BBS9: variants seen among roughly 807,000 people sequenced by gnomAD.
BBS9 encodes protein PTHB1.
BBS9 carries 89 observed loss-of-function variants against 117.7 expected under a neutral mutation model. That is an observed-to-expected ratio of 0.76 (90% CI 0.64 to 0.90). The LOEUF (loss-of-function observed/expected upper bound fraction) is 0.90, where lower values mean the gene tolerates loss of function less well. Among genes scored for constraint, BBS9 ranks in the 40% least tolerant of loss-of-function variants. The pLI is 0.00. For missense variants in BBS9, 982 were observed against 1,042.2 expected, an observed-to-expected ratio of 0.94 and a Z score of 0.80; for synonymous variants, 379 against 370.9, an observed-to-expected ratio of 1.02 and a Z score of -0.25.
chr7:33,557,014 T>G (rs1855394467), intron 21 of BBS9, among the ~76,000 whole-genome samples: 1 of 152,218 alleles, frequency 6.6e-6, no homozygotes, highest in Admixed American at 6.5e-5. Flanking sequence ...AAGTATTTAC[T>G]TAAGCCCCCT....
chr7:33,408,802 G>A (rs1830571453), intron 19 of BBS9, among the ~76,000 whole-genome samples: 1 of 152,166 alleles, frequency 6.6e-6, no homozygotes, highest in Non-Finnish European at 1.5e-5. Context: ...TCCCCACAGT[G>A]GATGAACTAA....
intron 9 of BBS9, among the ~76,000 whole-genome samples, chr7:33,278,147 C>T (rs1258171486): frequency 6.6e-6 from 1 of 152,170 alleles, no homozygotes; most frequent in African/African-American, 2.4e-5. Flanking sequence ...ATAATTTTCT[C>T]ACTGTGACAA....
At chr7:33,430,005 C>T (rs886488283) in intron 19 of BBS9, among the ~76,000 whole-genome samples, 2 of 151,978 alleles carry the variant, frequency 1.3e-5, no homozygotes, top group Non-Finnish European at 2.9e-5. Flanking sequence ...GAAGTCAGGT[C>T]GATTTAAAAA....
rs555813961 is a variant in BBS9 at position 33,413,533 on chromosome 7, G to A, written c.2115+25389G>A. Among the ~76,000 whole-genome samples the A allele has an allele frequency of 4.6e-5, 7 of 152,248 alleles. No individual in the cohort carries two copies. In the South Asian group the frequency reaches 1.0e-3, roughly 23 times the overall value. On this transcript the variant is annotated intron_variant, in intron 19 of 22. Coordinates refer to ENST00000242067, the MANE Select transcript of BBS9 (RefSeq NM_198428.3). ...TCCCTCACACTGTCTTCATTAGTAA[G>A]TACATCAATATCACTGTTTTCAGAG...
chr7:33,205,169 C>T (rs181792220), intron 5 of BBS9, among the ~76,000 whole-genome samples: 195 of 152,304 alleles, frequency 1.3e-3, no homozygotes, highest in African/African-American at 4.5e-3. Flanking sequence ...CTTATCACCC[C>T]TATGTGGTGG....
At chr7:33,189,592 TA>T (rs146507635) in intron 5 of BBS9, among the ~76,000 whole-genome samples, 5,631 of 150,826 alleles carry the variant, frequency 0.037, 190 homozygotes, top group African/African-American at 0.086. Context: ...TTTTTTTAAT[TA>T]AAAAAAAATA....
intron 4 of BBS9, among the ~76,000 whole-genome samples, chr7:33,156,623 T>G (rs906419136): frequency 6.6e-6 from 1 of 152,220 alleles, no homozygotes; most frequent in African/African-American, 2.4e-5. Context: ...CAAGGCAGGC[T>G]TGGTAACCTG....
intron 19 of BBS9, among the ~76,000 whole-genome samples, chr7:33,503,198 T>C (rs1008457797): frequency 7.2e-5 from 11 of 152,130 alleles, no homozygotes; most frequent in Non-Finnish European, 2.9e-5. Flanking sequence ...ATAAAATTAC[T>C]AAGAATTTCA....
intron 7 of BBS9, among the ~76,000 whole-genome samples, chr7:33,269,627 C>G (rs945532851): frequency 1.3e-5 from 2 of 151,646 alleles, no homozygotes; most frequent in African/African-American, 4.9e-5. Context: ...AAGAGCTGCA[C>G]TTTCAGAGCA....
intron 9 of BBS9, among the ~76,000 whole-genome samples, chr7:33,301,369 A>G (rs927070333): frequency 6.6e-6 from 1 of 151,894 alleles, no homozygotes; most frequent in Non-Finnish European, 1.5e-5. Context: ...AGTCTTAGTC[A>G]TTCTTTCTAT....
chr7:33,389,694 A>T (rs1311918007), intron 19 of BBS9, among the ~76,000 whole-genome samples: 1 of 54,512 alleles, frequency 1.8e-5, no homozygotes. Context: ...ATCTAAAAAA[A>T]AAAAAAAAAA....
chr7:33,583,049 G>A (rs1019261041), intron 21 of BBS9, among the ~76,000 whole-genome samples: 47 of 151,996 alleles, frequency 3.1e-4, no homozygotes, highest in Admixed American at 1.6e-3. Flanking sequence ...AATTTGACCC[G>A]CATATGTCTG....
At chr7:33,204,580 G>A (rs887067577) in intron 5 of BBS9, among the ~76,000 whole-genome samples, 2 of 151,810 alleles carry the variant, frequency 1.3e-5, no homozygotes, top group African/African-American at 4.8e-5. Context: ...TAAGAGAGAG[G>A]GCCATGGAGA....
chr7:33,530,336 G>A (rs1850381062), intron 20 of BBS9, among the ~76,000 whole-genome samples: 1 of 152,114 alleles, frequency 6.6e-6, no homozygotes, highest in Non-Finnish European at 1.5e-5. Flanking sequence ...GTTGGCATCA[G>A]GAAAATAAAT....
At chr7:33,250,273 A>G (rs1796023182) in intron 5 of BBS9, among the ~76,000 whole-genome samples, 1 of 152,190 alleles carries the variant, frequency 6.6e-6, no homozygotes, top group Admixed American at 6.5e-5. Context: ...ATAACTAATA[A>G]TGCTGTTTAA....
At chr7:33,210,968 GT>G (rs1011976820) in intron 5 of BBS9, among the ~76,000 whole-genome samples, 25 of 152,090 alleles carry the variant, frequency 1.6e-4, no homozygotes, top group Admixed American at 1.3e-3. Flanking sequence ...ATTATCTTTT[GT>G]TTTATATAAG....
intron 9 of BBS9, chr7:33,277,006 C>A: frequency 4.2e-6 from 1 of 240,674 alleles, no homozygotes; most frequent in Non-Finnish European, 9.1e-6. Context: ...GCAGACTTGG[C>A]AGGTGATGTC....
rs768072201 is a variant in BBS9, at chr7:33,604,893, C to T, written c.2550C>T (p.Asp850=). Residue 850 remains aspartate, a synonymous_variant, in exon 22 of 23, where the codon GAC becomes GAT. Transcript: ENST00000242067. ...GTTGTACTACAATCCCAGAGTCAGACCTAGAAGAAAGATCAGTAGAACAAG... is the reference window on the plus strand; with the variant it reads ...GTTGTACTACAATCCCAGAGTCAGATCTAGAAGAAAGATCAGTAGAACAAG... ...PGGCTTIPES[D]LEERSVEQDS... is the part of the protein sequence containing the mutation. 1 of 1,613,114 alleles carries T rather than the reference C, an allele frequency of 6.2e-7. No individual in the cohort carries two copies. Among genetic ancestry groups the T allele is most frequent in the Non-Finnish European group, 8.5e-7 (1 of 1,179,318 alleles).
chr7:33,438,652 T>G (rs910337248), intron 19 of BBS9, among the ~76,000 whole-genome samples: 2 of 152,190 alleles, frequency 1.3e-5, no homozygotes, highest in African/African-American at 2.4e-5. Flanking sequence ...TAGGATGAAG[T>G]GTTGGCAAAT....
Sources: gnomAD v4.1 joint callset for allele counts (sites outside exome capture counted in the v4.1 genomes callset) on GRCh38, gnomAD v4.1.1 for gene constraint, MANE v1.5 for transcripts, NCBI Gene and HGNC (gene_info 2026-07-23, HGNC 2026-07-21) for gene names.